The following AEBP2 variants were observed in gnomAD, a reference collection of about 807,000 sequenced individuals.
AEBP2 encodes the protein zinc finger protein AEBP2.
In AEBP2, 10 loss-of-function variants were observed where a neutral mutation model predicts 50.8. That is an observed-to-expected ratio of 0.20 (90% CI 0.12 to 0.33). AEBP2 has a LOEUF of 0.33. Among genes scored for constraint, AEBP2 ranks in the 10% least tolerant of loss-of-function variants. The pLI is 1.00. For synonymous variants in AEBP2, 296 were observed against 261.3 expected, an observed-to-expected ratio of 1.13 and a Z score of -1.28; for missense variants, 570 against 688.0, an observed-to-expected ratio of 0.83 and a Z score of 1.92.
chr12:19,425,076 T>C (rs1392105746), intron 1 of AEBP2, among the ~76,000 whole-genome samples: 1 of 152,164 alleles, frequency 6.6e-6, no homozygotes, highest in Non-Finnish European at 1.5e-5. Context: ...TATTTTTCTC[T>C]GTCATGTAAC....
chr12:19,496,043 T>A (rs1948975230), intron 4 of AEBP2, among the ~76,000 whole-genome samples: 1 of 152,174 alleles, frequency 6.6e-6, no homozygotes, highest in South Asian at 2.1e-4. Context: ...ACCAGATGAC[T>A]TTTCCACCAG....
At position 19,502,113 on chromosome 12, in the gene AEBP2, A is replaced by G. The variant is rs149957489; in HGVS notation, c.1299+1892A>G. 6.6e-5 allele frequency among the ~76,000 whole-genome samples: 10 copies of G among 152,054 alleles called. No homozygotes were observed. In the East Asian group the frequency reaches 1.9e-3, roughly 29 times the overall value. ...ATGTCCTTACTTACTTCCCAATTAT[A>G]TATGTTTTCCTGTTATTTGTACCTA... On this transcript the variant is annotated intron_variant, in intron 5 of 7. Transcript: ENST00000266508.
At chr12:19,424,419 C>T (rs539326351) in intron 1 of AEBP2, among the ~76,000 whole-genome samples, 101 of 150,582 alleles carry the variant, frequency 6.7e-4, no homozygotes, top group African/African-American at 2.4e-3. Context: ...TTTTTTGAGA[C>T]GGAGTCTTGC....
At chr12:19,482,334 T>C (rs1324679631) in intron 3 of AEBP2, among the ~76,000 whole-genome samples, 1 of 152,172 alleles carries the variant, frequency 6.6e-6, no homozygotes, top group Non-Finnish European at 1.5e-5. Context: ...GTGGACTCTT[T>C]GGTGGTGTTC....
At position 19,479,717 on chromosome 12, in the gene AEBP2, G is replaced by GTTTTTTTTTTTTTTTTTTTTTTTT. The variant is rs369410408; in HGVS notation, c.987+6370_987+6393dup. Among the ~76,000 whole-genome samples, 8 of 22,314 alleles carry GTTTTTTTTTTTTTTTTTTTTTTTT rather than the reference G, an allele frequency of 3.6e-4. 2 individuals carry two copies. The highest frequency in any genetic ancestry group is 7.2e-4 in the Non-Finnish European group (8 of 11,052). The allele number at this position is 22,314 out of a possible 152,430, so 14.6% of individuals were successfully genotyped here. A position where few individuals can be genotyped will look rare whatever the true frequency, so the allele number is the denominator to read the frequency against. On this transcript the variant is annotated intron_variant, in intron 3 of 7. Coordinates refer to ENST00000266508, the MANE Select transcript of AEBP2 (RefSeq NM_153207.5). ...ATTATTTAATGTCACCTCTTTGTGG[G>GTTTTTTTTTTTTTTTTTTTTTTTT]TTTTTTTTTTTTTTTTTTTTTTTTT...
chr12:19,502,941 G>A (rs1200632580), intron 5 of AEBP2, among the ~76,000 whole-genome samples: 6 of 152,100 alleles, frequency 3.9e-5, no homozygotes, highest in South Asian at 4.1e-4. Flanking sequence ...GAGCCACCAC[G>A]CTTGGCTGTT....
chr12:19,434,562 C>T (rs1474828840), upstream of AEBP2, among the ~76,000 whole-genome samples: 1 of 151,934 alleles, frequency 6.6e-6, no homozygotes, highest in Non-Finnish European at 1.5e-5. Context: ...CTTTTAGTAC[C>T]TATGTAGCTA....
rs1202807655 is a variant in AEBP2, at chr12:19,474,205, A to G, written c.987+850A>G. Among the ~76,000 whole-genome samples, 10 of 152,168 alleles carry G rather than the reference A, an allele frequency of 6.6e-5. 1 individual carries two copies. Among genetic ancestry groups the G allele is most frequent in the Admixed American group, 6.5e-4 (10 of 15,270 alleles). On this transcript the variant is annotated intron_variant, in intron 3 of 7. Coordinates refer to ENST00000266508, the MANE Select transcript of AEBP2 (RefSeq NM_153207.5). The stretch of plus-strand genomic sequence containing the variant: ...GCAAGTTTCTGTAAAAATCTTTTCC[A>G]TTTATCTTTATGAAAAATTAAGTAT...
At chr12:19,463,089 T>C (rs1948406064) in intron 2 of AEBP2, among the ~76,000 whole-genome samples, 1 of 152,194 alleles carries the variant, frequency 6.6e-6, no homozygotes, top group Admixed American at 6.5e-5. Flanking sequence ...TTCCTGACGC[T>C]TAAATTAACT....
intron 4 of AEBP2, among the ~76,000 whole-genome samples, chr12:19,495,559 T>TC (rs1409235324): frequency 2.0e-5 from 3 of 152,018 alleles, no homozygotes; most frequent in Non-Finnish European, 4.4e-5. Context: ...TTTTTTTTTT[T>TC]TTGATACAGG....
intron 3 of AEBP2, among the ~76,000 whole-genome samples, chr12:19,475,963 C>CATTTT (rs1948643115): frequency 6.6e-6 from 1 of 152,112 alleles, no homozygotes; most frequent in Non-Finnish European, 1.5e-5. Context: ...TATTTTCTCC[C>CATTTT]ATTCTGTGGG....
chr12:19,424,607 A>G (rs2095747582), intron 1 of AEBP2, among the ~76,000 whole-genome samples: 1 of 149,430 alleles, frequency 6.7e-6, no homozygotes, highest in South Asian at 2.2e-4. Flanking sequence ...CCTGTTAGCC[A>G]GGATGGTCTC....
chr12:19,517,914 A>G (rs11044635), intron 7 of AEBP2, among the ~76,000 whole-genome samples, 173 bp from the exon 8 acceptor site: 3,279 of 152,362 alleles, frequency 0.022, 42 homozygotes, highest in East Asian at 0.043. Flanking sequence ...TTAAACAACT[A>G]TATTATGTAA....
chr12:19,503,349 G>T (rs1465763072), intron 5 of AEBP2, among the ~76,000 whole-genome samples: 3 of 150,382 alleles, frequency 2.0e-5, no homozygotes, highest in African/African-American at 7.4e-5. Flanking sequence ...GTGTGTGTAT[G>T]TGTGTGTGTG....
chr12:19,496,565 G>C (rs1467472026), intron 4 of AEBP2, among the ~76,000 whole-genome samples: 1 of 151,984 alleles, frequency 6.6e-6, no homozygotes, highest in African/African-American at 2.4e-5. Context: ...TGTAATTCAA[G>C]AAGACAGTTT....
intron 1 of AEBP2, among the ~76,000 whole-genome samples, chr12:19,454,229 A>C (rs1948224669): frequency 6.6e-6 from 1 of 152,146 alleles, no homozygotes; most frequent in Admixed American, 6.5e-5. Flanking sequence ...ATTAGTAGTA[A>C]GGACGTTTTA....
chr12:19,500,121 C>T lies in AEBP2; in HGVS notation c.1199C>T (p.Ala400Val), dbSNP rs1444730593. ...GCACGGCCACATGATTTCTTCGATGCACAAACACTGGATGCGATAAGACAT... is the reference window on the plus strand; with the variant it reads ...GCACGGCCACATGATTTCTTCGATGTACAAACACTGGATGCGATAAGACAT... ...SLPRPHDFFDAQTLDAIRHRA... is the reference protein window; with the variant it reads ...SLPRPHDFFDVQTLDAIRHRA... Residue 400 changes from alanine (A) to valine (V), a missense_variant, in exon 5 of 8, where the codon GCA (alanine) becomes GTA (valine). Around this residue, in one of 2 missense-constraint regions of AEBP2, gnomAD observed 184 missense variants for 351.2 expected, o/e 0.52. Coordinates refer to ENST00000266508, the MANE Select transcript of AEBP2 (RefSeq NM_153207.5). The T allele has an allele frequency of 1.2e-6, 2 of 1,606,456 alleles. No individual in the cohort carries two copies. The highest frequency in any genetic ancestry group is 2.7e-5 in the African/African-American group (2 of 74,802).
chr12:19,475,468 A>G (rs1184484698), intron 3 of AEBP2, among the ~76,000 whole-genome samples: 1 of 150,114 alleles, frequency 6.7e-6, no homozygotes, highest in Non-Finnish European at 1.5e-5. Flanking sequence ...GTGTGTGTAT[A>G]TATATATATA....
At chr12:19,434,999 C>T (rs1389525585), upstream of AEBP2, among the ~76,000 whole-genome samples, 1 of 151,736 alleles carries the variant, frequency 6.6e-6, no homozygotes, top group African/African-American at 2.4e-5. Flanking sequence ...CTTTTTTTTT[C>T]CCTTAATAAA....
Sources: gnomAD v4.1 joint callset for allele counts (sites outside exome capture counted in the v4.1 genomes callset) on GRCh38, gnomAD v4.1.1 for gene constraint, gnomAD v4.1.1 regional missense constraint, MANE v1.5 for transcripts, NCBI Gene and HGNC (gene_info 2026-07-23, HGNC 2026-07-21) for gene names.